The following WAC variants were observed in gnomAD, a reference collection of about 807,000 sequenced individuals.
WAC encodes WW domain-containing adapter protein with coiled-coil.
WAC carries 11 observed loss-of-function variants against 79.6 expected under a neutral mutation model. That is an observed-to-expected ratio of 0.14 (90% CI 0.09 to 0.23). The LOEUF (loss-of-function observed/expected upper bound fraction) is 0.23. Among genes scored for constraint, WAC ranks in the 10% least tolerant of loss-of-function variants. The pLI is 1.00. For synonymous variants in WAC, 304 were observed against 276.9 expected (o/e 1.10, Z -0.97); for missense variants, 728 against 773.5 (o/e 0.94, Z 0.70).
intron 6 of WAC, among the ~76,000 whole-genome samples, chr10:28,592,432 G>A (rs1840139478): frequency 6.6e-6 from 1 of 152,046 alleles, no homozygotes; most frequent in South Asian, 2.1e-4. Context: ...GCCCATCCTG[G>A]CCAACATGGT....
At chr10:28,571,832 C>A (rs1838989142) in intron 3 of WAC, among the ~76,000 whole-genome samples, 1 of 152,192 alleles carries the variant, frequency 6.6e-6, no homozygotes, top group Non-Finnish European at 1.5e-5. Context: ...TAACTCTAAT[C>A]AGTCAGCTTG....
intron 3 of WAC, among the ~76,000 whole-genome samples, chr10:28,568,219 T>C (rs1838757060): frequency 6.6e-6 from 1 of 152,242 alleles, no homozygotes; most frequent in African/African-American, 2.4e-5. Context: ...AAGTTTACTT[T>C]TAACGTAATT....
At chr10:28,595,004 G>T (rs964879855) in intron 6 of WAC, among the ~76,000 whole-genome samples, 13 of 152,100 alleles carry the variant, frequency 8.5e-5, no homozygotes, top group Non-Finnish European at 1.3e-4. Flanking sequence ...AATTGAAAGA[G>T]GATTTGTTTT....
chr10:28,584,794 A>G (rs1839727937), intron 4 of WAC, among the ~76,000 whole-genome samples: 1 of 152,232 alleles, frequency 6.6e-6, no homozygotes, highest in Non-Finnish European at 1.5e-5. Context: ...GTGTCCATTT[A>G]GAAAATTATA....
At chr10:28,550,707 A>G (rs1017665285) in intron 3 of WAC, among the ~76,000 whole-genome samples, 5 of 152,242 alleles carry the variant, frequency 3.3e-5, no homozygotes, top group Non-Finnish European at 7.3e-5. Flanking sequence ...TTACTACTAC[A>G]GAGTTCCTAT....
At position 28,541,415 on chromosome 10, in the gene WAC, G is replaced by GTTTTTTTTTTTTTTTTTTTTTTTTTT. The variant is rs143772149; in HGVS notation, c.274+5662_274+5663insTTTTTTTTTTTTTTTTTTTTTTTTTT. The stretch of plus-strand genomic sequence containing the variant: ...TTTTTGTGGGGTTGTGTGTGTGTGT[G>GTTTTTTTTTTTTTTTTTTTTTTTTTT]TTTTGTTTTTTTTTTTTTTTTTTTT... On this transcript the variant is annotated intron_variant, in intron 3 of 13. Transcript: ENST00000354911. Among the ~76,000 whole-genome samples, 4 of 37,904 alleles carry GTTTTTTTTTTTTTTTTTTTTTTTTTT rather than the reference G, an allele frequency of 1.1e-4. 2 individuals carry two copies. The highest frequency in any genetic ancestry group is 2.3e-3 in the South Asian group (2 of 860). 24.9% of individuals were successfully genotyped at this position (37,904 alleles called of 152,430 possible). A position where few individuals can be genotyped will look rare whatever the true frequency, so the allele number is the denominator to read the frequency against.
rs1343796222 is a variant in WAC, at chr10:28,621,722, G to T, written c.*2116G>T. The T allele has an allele frequency of 6.6e-6, 1 of 152,176 alleles. No homozygotes were observed. Among genetic ancestry groups the T allele is most frequent in the Non-Finnish European group, 1.5e-5 (1 of 68,034 alleles). 9.4% of individuals were successfully genotyped at this position (152,176 alleles called of 1,614,324 possible). A position where few individuals can be genotyped will look rare whatever the true frequency, so the allele number is the denominator to read the frequency against. ...GTAATAGGCAAATGTTTCCTGATCA[G>T]ATGGCAATTTGTGATTTAGGTAAAT... On this transcript the variant is annotated 3_prime_UTR_variant, in exon 14 of 14. Transcript: ENST00000354911.
chr10:28,580,604 T>C (rs1839483485), intron 3 of WAC, among the ~76,000 whole-genome samples: 1 of 152,194 alleles, frequency 6.6e-6, no homozygotes, highest in Non-Finnish European at 1.5e-5. Context: ...ATTAGGTTTT[T>C]TTCCATTACT....
At chr10:28,565,129 C>T (rs1039645933) in intron 3 of WAC, among the ~76,000 whole-genome samples, 1 of 152,184 alleles carries the variant, frequency 6.6e-6, no homozygotes. Context: ...AGCAAAATTG[C>T]CTTGAAAACC....
At chr10:28,558,705 G>C (rs950258798) in intron 3 of WAC, among the ~76,000 whole-genome samples, 8 of 152,190 alleles carry the variant, frequency 5.3e-5, no homozygotes, top group Middle Eastern at 3.2e-3. Context: ...AAATAATAGT[G>C]AGTTTGCTTT....
At chr10:28,552,629 T>C (rs2132431797) in intron 3 of WAC, among the ~76,000 whole-genome samples, 1 of 152,178 alleles carries the variant, frequency 6.6e-6, no homozygotes, top group East Asian at 1.9e-4. Context: ...CAGAACTCTT[T>C]GAATATTGAC....
At chr10:28,536,022 ACC>A in intron 3 of WAC, 1 of 215,472 alleles carries the variant, frequency 4.6e-6, no homozygotes, top group South Asian at 1.0e-4. Flanking sequence ...CGGGCAGATC[ACC>A]TGAGGTCAGG....
At chr10:28,566,466 G>T (rs1334416851) in intron 3 of WAC, among the ~76,000 whole-genome samples, 1 of 152,182 alleles carries the variant, frequency 6.6e-6, no homozygotes, top group Non-Finnish European at 1.5e-5. Flanking sequence ...GGTGAGTTTA[G>T]CTGGATTTGG....
chr10:28,580,270 A>AGGCAT (rs1441383948), intron 3 of WAC, among the ~76,000 whole-genome samples: 1 of 152,222 alleles, frequency 6.6e-6, no homozygotes, highest in Admixed American at 6.5e-5. Context: ...GGCTGGTGGA[A>AGGCAT]GGCATACCAT....
Position 28,619,798 on chromosome 10 carries a change from A to G in WAC, c.*192A>G, listed in dbSNP as rs1300217883. On this transcript the variant is annotated 3_prime_UTR_variant, in exon 14 of 14. Transcript: ENST00000354911. Reference sequence around the variant, plus strand: ...TTGATTTGTAAAACCCTTGAAATGTAGATTTCTTGTAGATGTATCCTTCAC... The same window carrying G: ...TTGATTTGTAAAACCCTTGAAATGTGGATTTCTTGTAGATGTATCCTTCAC... 1 of 482,960 alleles carries G rather than the reference A, an allele frequency of 2.1e-6. No individual in the cohort carries two copies. Among genetic ancestry groups the G allele is most frequent in the Admixed American group, 4.1e-5 (1 of 24,272 alleles). 29.9% of individuals were successfully genotyped at this position (482,960 alleles called of 1,614,324 possible). A position where few individuals can be genotyped will look rare whatever the true frequency, so the allele number is the denominator to read the frequency against.
chr10:28,576,329 T>C (rs1839243328), intron 3 of WAC, among the ~76,000 whole-genome samples: 1 of 152,222 alleles, frequency 6.6e-6, no homozygotes, highest in Non-Finnish European at 1.5e-5. Context: ...TACTGTTTTT[T>C]AAACAATGAA....
chr10:28,614,471 G>A, intron 10 of WAC, 96 bp from the exon 11 acceptor site: 1 of 850,794 alleles, frequency 1.2e-6, no homozygotes, highest in Non-Finnish European at 1.9e-6. Context: ...GAACTTGACT[G>A]CCACATTTTA....
chr10:28,553,602 T>G (rs960962102), intron 3 of WAC, among the ~76,000 whole-genome samples: 11 of 152,102 alleles, frequency 7.2e-5, no homozygotes, highest in African/African-American at 2.4e-4. Flanking sequence ...TATAGTGCCG[T>G]TTAAGATTGA....
At chr10:28,611,481 G>C in intron 9 of WAC, 1 of 1,362,844 alleles carries the variant, frequency 7.3e-7, no homozygotes, top group Non-Finnish European at 9.6e-7. Flanking sequence ...AAATAAGGAT[G>C]GTGAGGAGGC....
Sources: gnomAD v4.1 joint callset for allele counts (sites outside exome capture counted in the v4.1 genomes callset) on GRCh38, gnomAD v4.1.1 for gene constraint, MANE v1.5 for transcripts, NCBI Gene and HGNC (gene_info 2026-07-23, HGNC 2026-07-21) for gene names.